Variants in MAPKAPK2 observed in about 807,000 individuals in gnomAD.
The protein encoded by MAPKAPK2 is MAPK activated protein kinase 2.
MAPKAPK2 carries 9 observed loss-of-function variants against 48.8 expected under a neutral mutation model. The ratio of observed to expected loss-of-function variants is 0.18; its 90% CI spans 0.11 to 0.32. The LOEUF is 0.32. Among genes scored for constraint, MAPKAPK2 ranks in the 10% least tolerant of loss-of-function variants. The probability of loss-of-function intolerance (pLI) is 1.00; values close to 1 mark genes in which losing one functional copy is unlikely to be tolerated. For synonymous variants in MAPKAPK2, 202 were observed against 190.6 expected (o/e 1.06, Z -0.49); for missense variants, 331 against 498.3 (o/e 0.66, Z 3.20).
intron 1 of MAPKAPK2, among the ~76,000 whole-genome samples, chr1:206,702,214 C>A (rs1159766816): frequency 1.3e-4 from 20 of 152,264 alleles, no homozygotes; most frequent in African/African-American, 4.6e-4. Flanking sequence ...AGATTTGGTT[C>A]TTTGAGGTCA....
intron 3 of MAPKAPK2, 48 bp downstream of exon 3, chr1:206,729,147 G>A: frequency 6.3e-7 from 1 of 1,576,636 alleles, no homozygotes. Context: ...CAGGGCAGTG[G>A]GGGTCTGAAG....
chr1:206,728,603 G>A, intron 1 of MAPKAPK2, 107 bp from the exon 2 acceptor site: 14 of 1,320,298 alleles, frequency 1.1e-5, no homozygotes, highest in Non-Finnish European at 1.5e-5. Flanking sequence ...GCCAGCAGGA[G>A]TGGGGGGTTT....
chr1:206,686,647 C>T (rs1553425651), intron 1 of MAPKAPK2, among the ~76,000 whole-genome samples: 1 of 152,188 alleles, frequency 6.6e-6, no homozygotes, highest in Non-Finnish European at 1.5e-5. Context: ...CTTCAGCCCC[C>T]ACAGCGAGCT....
At chr1:206,720,085 T>C (rs1673467357) in intron 1 of MAPKAPK2, among the ~76,000 whole-genome samples, 1 of 152,222 alleles carries the variant, frequency 6.6e-6, no homozygotes, top group Non-Finnish European at 1.5e-5. Context: ...ATGTGTCTCC[T>C]CCTGTGTCCC....
chr1:206,711,122 A>G (rs1180357332), intron 1 of MAPKAPK2, among the ~76,000 whole-genome samples: 2 of 152,268 alleles, frequency 1.3e-5, no homozygotes, highest in Admixed American at 1.3e-4. Flanking sequence ...ATTTACAAAA[A>G]GTGTGGGTGA....
At position 206,730,773 on chromosome 1, in the gene MAPKAPK2, C is replaced by A; in HGVS notation, c.767+10C>A. ...TCATCATGTACATCCTGTGAGTGTG[C>A]TGGGGAGGGGGCTGGGTGGGGCAGG... On this transcript the variant is annotated intron_variant, in intron 6 of 9. Coordinates refer to ENST00000367103, the MANE Select transcript of MAPKAPK2 (RefSeq NM_032960.4). 3.4e-6 allele frequency: 2 copies of A among 596,364 alleles called. No individual in the cohort carries two copies. Among genetic ancestry groups the A allele is most frequent in the African/African-American group, 2.0e-5 (1 of 50,458 alleles). 36.9% of individuals were successfully genotyped at this position (596,364 alleles called of 1,614,324 possible). A position where few individuals can be genotyped will look rare whatever the true frequency, so the allele number is the denominator to read the frequency against.
At chr1:206,689,040 G>A (rs1672373535) in intron 1 of MAPKAPK2, among the ~76,000 whole-genome samples, 1 of 152,148 alleles carries the variant, frequency 6.6e-6, no homozygotes, top group African/African-American at 2.4e-5. Context: ...CTGTGTCATG[G>A]TGACCCTTAG....
intron 1 of MAPKAPK2, among the ~76,000 whole-genome samples, chr1:206,726,161 T>C (rs1553431822): frequency 6.6e-6 from 1 of 151,824 alleles, no homozygotes; most frequent in Non-Finnish European, 1.5e-5. Context: ...CAAGGTGGGG[T>C]ATCACTTGAG....
chr1:206,705,737 A>G lies in MAPKAPK2; in HGVS notation c.279+20229A>G, dbSNP rs368956708. 1.1e-3 allele frequency among the ~76,000 whole-genome samples: 174 copies of G among 152,312 alleles called. 1 individual carries two copies. The highest frequency in any genetic ancestry group is 4.1e-3 in the African/African-American group (169 of 41,556). ...ACAAAGGCATTTTGGGTTAAATTCA[A>G]GGAGGAATTCAGAATTGTGAACTGG... On this transcript the variant is annotated intron_variant, in intron 1 of 9. Transcript: ENST00000367103.
At chr1:206,716,035 G>T (rs1249328443) in intron 1 of MAPKAPK2, among the ~76,000 whole-genome samples, 2 of 149,510 alleles carry the variant, frequency 1.3e-5, no homozygotes, top group African/African-American at 4.9e-5. Context: ...TTTGAACTCT[G>T]AATTGACAAG....
rs147537090 is a variant in MAPKAPK2 at position 206,721,200 on chromosome 1, T to C, written c.280-7510T>C. Among the ~76,000 whole-genome samples the C allele has an allele frequency of 3.9e-3, 597 of 152,306 alleles. 6 individuals carry two copies. The highest frequency in any genetic ancestry group is 0.013 in the African/African-American group (549 of 41,542). On this transcript the variant is annotated intron_variant, in intron 1 of 9. Transcript: ENST00000367103. ...GGCACCCCACCCCTGTTGCTCCTGC[T>C]CTTGCCATGTGACATCCCTGCTCCC...
At chr1:206,696,070 A>T in intron 1 of MAPKAPK2, 1 of 1,047,422 alleles carries the variant, frequency 9.5e-7, no homozygotes, top group South Asian at 1.3e-5. Flanking sequence ...GTGAGGATTC[A>T]TCTCACCTGC....
Position 206,728,853 on chromosome 1 carries a change from A to G in MAPKAPK2, c.419+4A>G. On this transcript the variant is annotated splice_donor_region_variant and intron_variant, in intron 2 of 9. Transcript: ENST00000367103. ...GCCTGCTGATTGTCATGGAATGGTA[A>G]GCAGCCACTGTTCTAGTCCCGGCCC... 6.2e-7 allele frequency: 1 copy of G among 1,614,068 alleles called. No homozygotes were observed. The highest frequency in any genetic ancestry group is 8.5e-7 in the Non-Finnish European group (1 of 1,179,974).
intron 1 of MAPKAPK2, among the ~76,000 whole-genome samples, chr1:206,702,169 C>T (rs4240844): frequency 0.96 from 146,483 of 152,310 alleles, 70,485 homozygotes; most frequent in East Asian, 1. Context: ...AGGAAAAATT[C>T]GCTGTTGTTA....
At chr1:206,693,977 T>C (rs1005315761) in intron 1 of MAPKAPK2, among the ~76,000 whole-genome samples, 1 of 152,146 alleles carries the variant, frequency 6.6e-6, no homozygotes, top group African/African-American at 2.4e-5. Context: ...GCAGTATTGA[T>C]GTGTGTCCAT....
intron 1 of MAPKAPK2, among the ~76,000 whole-genome samples, chr1:206,689,619 C>G (rs1672393737): frequency 6.6e-6 from 1 of 152,102 alleles, no homozygotes; most frequent in African/African-American, 2.4e-5. Context: ...AAAAAATGGC[C>G]TGTAAAATTT....
At chr1:206,716,708 G>A (rs1237843783) in intron 1 of MAPKAPK2, among the ~76,000 whole-genome samples, 1 of 151,996 alleles carries the variant, frequency 6.6e-6, no homozygotes, top group Non-Finnish European at 1.5e-5. Context: ...TATGCATGGG[G>A]GCTGCTTAGG....
At chr1:206,706,141 T>TTTATTTATTTGC (rs1553428524) in intron 1 of MAPKAPK2, among the ~76,000 whole-genome samples, 7 of 151,318 alleles carry the variant, frequency 4.6e-5, no homozygotes, top group Non-Finnish European at 7.4e-5. Context: ...TATTTATTTA[T>TTTATTTATTTGC]TTATTTATTT....
At chr1:206,706,191 T>C (rs920967394) in intron 1 of MAPKAPK2, among the ~76,000 whole-genome samples, 6 of 152,112 alleles carry the variant, frequency 3.9e-5, no homozygotes, top group Non-Finnish European at 7.4e-5. Context: ...TTTCCCCTCC[T>C]GGTCTTCCCA....
Sources: allele counts gnomAD v4.1 joint callset (sites outside exome capture counted in the v4.1 genomes callset), GRCh38; gene constraint gnomAD v4.1.1; transcripts MANE v1.5; gene names NCBI Gene and HGNC (gene_info 2026-07-23, HGNC 2026-07-21).